Variants in RDH8 observed in about 807,000 individuals in gnomAD.
RDH8 encodes the protein retinol dehydrogenase 8, also known as photoreceptor outer segment all-trans retinol dehydrogenase.
Under a neutral mutation model 22.3 loss-of-function variants are expected in RDH8, and 14 were observed. The ratio of observed to expected loss-of-function variants is 0.63; its 90% CI spans 0.42 to 0.98. RDH8 has a LOEUF of 0.98. Among genes scored for constraint, RDH8 ranks in the 50% least tolerant of loss-of-function variants. The pLI, the probability that RDH8 is intolerant of heterozygous loss-of-function variation, is 0.00. For synonymous variants in RDH8, 175 were observed against 171.7 expected, an observed-to-expected ratio of 1.02 and a Z score of -0.15; for missense variants, 389 against 409.8, an observed-to-expected ratio of 0.95 and a Z score of 0.44.
chr19:10,014,440 C>T (rs985108085), intron 1 of RDH8, among the ~76,000 whole-genome samples: 31 of 152,176 alleles, frequency 2.0e-4, no homozygotes, highest in African/African-American at 7.5e-4. Context: ...TTTTACAATG[C>T]ACCAAGCTGC....
At position 10,021,291 on chromosome 19, in the gene RDH8, G is replaced by C. The variant is rs1036811478; in HGVS notation, c.573G>C (p.Glu191Asp). The C allele has an allele frequency of 1.2e-6, 2 of 1,614,038 alleles. No individual in the cohort carries two copies. Among genetic ancestry groups the C allele is most frequent in the African/African-American group, 2.7e-5 (2 of 74,912 alleles). The change falls in exon 5 of 6, where the codon GAG (glutamate) becomes GAC (aspartate). Residue 191 changes from glutamate (E) to aspartate (D), a missense_variant. Transcript: ENST00000591589. Reference sequence around the variant, plus strand: ...TGGAGCCAGGCCCCGTGGTCACCGAGTTTGAGGGGAAGCTTCTGGCGCAGG... The same window carrying C: ...TGGAGCCAGGCCCCGTGGTCACCGACTTTGAGGGGAAGCTTCTGGCGCAGG... Reference protein sequence around the residue: ...SLVEPGPVVTEFEGKLLAQVS... With the variant: ...SLVEPGPVVTDFEGKLLAQVS...
At chr19:10,016,203 G>A (rs1298195794) in intron 1 of RDH8, among the ~76,000 whole-genome samples, 3 of 150,864 alleles carry the variant, frequency 2.0e-5, no homozygotes, top group Non-Finnish European at 4.4e-5. Context: ...CTGGAGTGCA[G>A]TGGCGCTATC....
chr19:10,020,358 G>GAGGAAGGA (rs1555744730), intron 3 of RDH8, among the ~76,000 whole-genome samples: 4 of 134,040 alleles, frequency 3.0e-5, no homozygotes, highest in Admixed American at 7.6e-5. Context: ...GGGAGGGAGG[G>GAGGAAGGA]AGGAAGGAAG....
intron 3 of RDH8, among the ~76,000 whole-genome samples, chr19:10,019,922 C>T (rs1242826932): frequency 6.6e-6 from 1 of 152,152 alleles, no homozygotes; most frequent in Non-Finnish European, 1.5e-5. Flanking sequence ...TGATGGATCA[C>T]TTGAGGTCAG....
rs1374659868 is a variant in RDH8, at chr19:10,017,143, C to T, written c.190C>T (p.Gln64Ter). Reference sequence around the variant, plus strand: ...TCTGGGGCAGACCCTCACCGTGGCCCAGCTGGACGTGTGCAGTGATGAGTC... The same window carrying T: ...TCTGGGGCAGACCCTCACCGTGGCCTAGCTGGACGTGTGCAGTGATGAGTC... ...EALGQTLTVA[Q>*]LDVCSDESVA... Residue 64 changes from glutamine to a stop codon, truncating the protein, a stop_gained, in exon 2 of 6, where the codon CAG (glutamine) becomes TAG (stop). Transcript: ENST00000591589. LOFTEE classifies it high-confidence loss of function. 6.2e-7 allele frequency: 1 copy of T among 1,611,702 alleles called. No individual in the cohort carries two copies. Among genetic ancestry groups the T allele is most frequent in the Non-Finnish European group, 8.5e-7 (1 of 1,178,560 alleles).
intron 1 of RDH8, among the ~76,000 whole-genome samples, chr19:10,014,294 C>T (rs971545047): frequency 3.3e-5 from 5 of 152,212 alleles, no homozygotes; most frequent in African/African-American, 4.8e-5. Flanking sequence ...CTTCTCCCAG[C>T]CCTCTGCCCT....
chr19:10,020,866 G>C (rs1338373007), intron 4 of RDH8, 64 bp downstream of exon 4: 1 of 1,193,640 alleles, frequency 8.4e-7, no homozygotes, highest in Non-Finnish European at 1.2e-6. Flanking sequence ...ATCGAAAGGG[G>C]GAGAGGAGAG....
Position 10,021,931 on chromosome 19 carries a change from G to A in RDH8, c.*182G>A. On this transcript the variant is annotated 3_prime_UTR_variant, in exon 6 of 6. Transcript: ENST00000591589. Reference sequence around the variant, plus strand: ...ATTTTCAGGCATAGACTCCTCTGTGGTCACAGCTGGAGCACAGAGAGGGAC... The same window carrying A: ...ATTTTCAGGCATAGACTCCTCTGTGATCACAGCTGGAGCACAGAGAGGGAC... The A allele has an allele frequency of 1.5e-6, 1 of 680,012 alleles. No individual in the cohort carries two copies. The highest frequency in any genetic ancestry group is 2.4e-6 in the Non-Finnish European group (1 of 411,488). The allele number at this position is 680,012 out of a possible 1,614,324, so 42.1% of individuals were successfully genotyped here.
chr19:10,021,082 G>T, intron 4 of RDH8, 173 bp from the exon 5 acceptor site: 1 of 663,322 alleles, frequency 1.5e-6, no homozygotes, highest in East Asian at 2.7e-5. Context: ...GGCTGAGGCG[G>T]AGGATTGTTT....
At position 10,021,450 on chromosome 19, in the gene RDH8, G is replaced by T. The variant is rs1262736014; in HGVS notation, c.720+12G>T. ...AGGACGTGGTTCAGGTGAGTGAAGG[G>T]CCCAGAGCCCCAAGACGTGGCTCAG... is the stretch of plus-strand genomic sequence containing the variant. On this transcript the variant is annotated intron_variant, in intron 5 of 5. Transcript: ENST00000591589. 2 of 1,613,968 alleles carry T rather than the reference G, an allele frequency of 1.2e-6. No homozygotes were observed. Among genetic ancestry groups the T allele is most frequent in the African/African-American group, 2.7e-5 (2 of 74,900 alleles).
intron 3 of RDH8, 63 bp from the exon 4 acceptor site, chr19:10,020,646 C>CAAAGG: frequency 9.4e-7 from 1 of 1,059,522 alleles, no homozygotes; most frequent in Non-Finnish European, 1.4e-6. Flanking sequence ...CCCCATCACC[C>CAAAGG]TGGAACCCAC....
At chr19:10,018,612 A>G in intron 2 of RDH8, 119 bp from the exon 3 acceptor site, 1 of 739,892 alleles carries the variant, frequency 1.4e-6, no homozygotes, top group Non-Finnish European at 2.2e-6. Context: ...TTGTCCACCC[A>G]AGATACCCTG....
chr19:10,015,452 CAATAAATA>C (rs988179209), intron 1 of RDH8, among the ~76,000 whole-genome samples: 1 of 151,112 alleles, frequency 6.6e-6, no homozygotes, highest in African/African-American at 2.4e-5. Context: ...GACTCTGTCT[CAATAAATA>C]AATAAATAAA....
chr19:10,018,565 T>C (rs992132592), intron 2 of RDH8, among the ~76,000 whole-genome samples, 166 bp from the exon 3 acceptor site: 1 of 152,150 alleles, frequency 6.6e-6, no homozygotes, highest in Non-Finnish European at 1.5e-5. Flanking sequence ...CTATGACAAA[T>C]GCTAAACTGT....
rs374797825 is a variant in RDH8 at position 10,021,629 on chromosome 19, C to T, written c.816C>T (p.Ser272=). The change falls in exon 6 of 6, where the codon TCC becomes TCT. Residue 272 remains serine (S), a synonymous_variant. Coordinates refer to ENST00000591589, the MANE Select transcript of RDH8 (RefSeq NM_015725.4). ...SPLTTLKTVD[S]SGSLYVRTTH... Reference sequence around the variant, plus strand: ...TGACCACGCTCAAAACCGTGGATTCCTCTGGCAGCCTGTATGTGCGAACGA... The same window carrying T: ...TGACCACGCTCAAAACCGTGGATTCTTCTGGCAGCCTGTATGTGCGAACGA... The T allele has an allele frequency of 5.0e-6, 8 of 1,613,604 alleles. No homozygotes were observed. In the African/African-American group the frequency reaches 5.3e-5, roughly 11 times the overall value.
chr19:10,014,684 T>C (rs765030735), intron 1 of RDH8, among the ~76,000 whole-genome samples: 1 of 152,134 alleles, frequency 6.6e-6, no homozygotes, highest in Non-Finnish European at 1.5e-5. Flanking sequence ...GATTAAGGCA[T>C]GCACCACCAC....
chr19:10,020,557 A>G (rs2087650691), intron 3 of RDH8, 152 bp from the exon 4 acceptor site: 1 of 592,580 alleles, frequency 1.7e-6, no homozygotes, highest in Non-Finnish European at 3.1e-6. Context: ...CCATCACACA[A>G]TGCCATACAC....
rs758674698 is a variant in RDH8, at chr19:10,018,870, G to T, written c.402G>T (p.Gln134His). Residue 134 changes from glutamine (Q) to histidine (H), a missense_variant, in exon 3 of 6, where the codon CAG becomes CAT. Transcript: ENST00000591589. ...TTCCAGGCATGAAGAGGAGGCGGCA[G>T]GGCCACATCGTGGTGATCAGCAGTG... ...AVLPGMKRRR[Q>H]GHIVVISSVM... is the part of the protein sequence containing the mutation. The T allele has an allele frequency of 5.0e-6, 8 of 1,613,530 alleles. No individual in the cohort carries two copies. In the African/African-American group the frequency reaches 5.3e-5, roughly 11 times the overall value.
In RDH8 at chr19:10,020,764, C is replaced by G; in HGVS notation, c.498C>G (p.Phe166Leu). The G allele has an allele frequency of 6.2e-7, 1 of 1,611,088 alleles. No homozygotes were observed. The highest frequency in any genetic ancestry group is 8.5e-7 in the Non-Finnish European group (1 of 1,178,452). The change falls in exon 4 of 6, where the codon TTC becomes TTG. Residue 166 changes from phenylalanine to leucine, a missense_variant. Physicochemically the swap from Phe to Leu is conservative, Grantham distance 22 (BLOSUM62 0). Coordinates refer to ENST00000591589, the MANE Select transcript of RDH8 (RefSeq NM_015725.4). Reference protein sequence around the residue: ...AASKFALEGFFESLAIQLLQF... With the variant: ...AASKFALEGFLESLAIQLLQF... ...CCAAGTTCGCCCTGGAGGGATTCTT[C>G]GAAAGCCTCGCTATCCAGCTGCTGC... is the stretch of plus-strand genomic sequence containing the variant.
Sources: gnomAD v4.1 joint callset for allele counts (sites outside exome capture counted in the v4.1 genomes callset) on GRCh38, gnomAD v4.1.1 for gene constraint, MANE v1.5 for transcripts, NCBI Gene and HGNC (gene_info 2026-07-23, HGNC 2026-07-21) for gene names.